TENM3: variants seen among roughly 807,000 people sequenced by gnomAD.
TENM3 encodes the protein teneurin-3.
TENM3 carries 63 observed loss-of-function variants against 255.1 expected under a neutral mutation model. That is an observed-to-expected ratio of 0.25 (90% CI 0.20 to 0.30). The LOEUF is 0.30. Ranked by LOEUF, TENM3 falls within the 10% of genes least tolerant of loss-of-function variation. The pLI is 1.00. For synonymous variants in TENM3, 1,306 were observed against 1,322.3 expected, an observed-to-expected ratio of 0.99 and a Z score of 0.27; for missense variants, 2,929 against 3,461.1, an observed-to-expected ratio of 0.85 and a Z score of 3.86.
At chr4:181,614,524 A>T in the TENM3 span, among the ~76,000 whole-genome samples, 2 of 152,168 alleles carry the variant, frequency 1.3e-5, no homozygotes. Flanking sequence ...TGATGCTGAG[A>T]TATTACCATG....
the TENM3 span, among the ~76,000 whole-genome samples, chr4:182,073,072 A>G: frequency 6.6e-6 from 1 of 152,200 alleles, no homozygotes; most frequent in African/African-American, 2.4e-5. Flanking sequence ...GGTAATTTAT[A>G]TAAAGAAAAG....
At chr4:182,179,880 A>C (rs558922585) in intron 1 of TENM3, among the ~76,000 whole-genome samples, 1 of 152,336 alleles carries the variant, frequency 6.6e-6, no homozygotes, top group South Asian at 2.1e-4. Flanking sequence ...TATGTGGCTT[A>C]GTCAGAAAAC....
the TENM3 span, among the ~76,000 whole-genome samples, chr4:181,698,083 A>G: frequency 2.2e-4 from 34 of 151,760 alleles, no homozygotes; most frequent in African/African-American, 6.1e-4. Flanking sequence ...GTGTGGTGGC[A>G]GGCGCTTGTA....
At chr4:181,691,453 A>T in the TENM3 span, among the ~76,000 whole-genome samples, 2 of 152,132 alleles carry the variant, frequency 1.3e-5, no homozygotes, top group African/African-American at 2.4e-5. Context: ...GAGGATGTAG[A>T]AAGTGAATGA....
chr4:182,727,410 C>G (rs984334633), intron 13 of TENM3, among the ~76,000 whole-genome samples: 3 of 141,906 alleles, frequency 2.1e-5, no homozygotes, highest in African/African-American at 7.9e-5. Context: ...GAGCTGAGAT[C>G]GTGCCACTGC....
At chr4:182,280,706 G>A (rs1760324467) in intron 1 of TENM3, among the ~76,000 whole-genome samples, 2 of 152,156 alleles carry the variant, frequency 1.3e-5, no homozygotes, top group Admixed American at 1.3e-4. Flanking sequence ...GATTACATCT[G>A]TGCCACAAAC....
intron 3 of TENM3, among the ~76,000 whole-genome samples, chr4:182,473,780 G>A (rs1279339917): frequency 6.6e-6 from 1 of 152,050 alleles, no homozygotes; most frequent in Non-Finnish European, 1.5e-5. Flanking sequence ...GGCAACATAT[G>A]AGACCCTGTC....
the TENM3 span, among the ~76,000 whole-genome samples, chr4:181,548,387 A>G: frequency 1.3e-5 from 2 of 152,282 alleles, no homozygotes; most frequent in East Asian, 3.9e-4. Flanking sequence ...CACTATTCAC[A>G]ATGGCAAAGA....
chr4:182,543,441 T>C (rs1314360400), intron 3 of TENM3, among the ~76,000 whole-genome samples: 1 of 152,212 alleles, frequency 6.6e-6, no homozygotes, highest in Non-Finnish European at 1.5e-5. Flanking sequence ...AGTTTAGCTG[T>C]ATTACCAGTT....
chr4:182,109,360 T>C, the TENM3 span, among the ~76,000 whole-genome samples: 3 of 150,750 alleles, frequency 2.0e-5, no homozygotes, highest in African/African-American at 7.3e-5. Flanking sequence ...CAACATATAG[T>C]GATTATATTA....
At chr4:182,028,121 C>A in the TENM3 span, among the ~76,000 whole-genome samples, 8,679 of 152,142 alleles carry the variant, frequency 0.057, 287 homozygotes, top group Non-Finnish European at 0.065. Flanking sequence ...TACAGGAAGA[C>A]TTTTTATCAC....
the TENM3 span, among the ~76,000 whole-genome samples, chr4:181,994,507 C>A: frequency 6.9e-6 from 1 of 143,986 alleles, no homozygotes; most frequent in Admixed American, 6.8e-5. Context: ...GTTTTGTTTT[C>A]TTTTACTTTG....
At chr4:181,953,424 C>T in the TENM3 span, among the ~76,000 whole-genome samples, 1 of 152,140 alleles carries the variant, frequency 6.6e-6, no homozygotes, top group Admixed American at 6.5e-5. Context: ...CACACAAACA[C>T]ACACACATCA....
the TENM3 span, among the ~76,000 whole-genome samples, chr4:182,102,757 G>A: frequency 2.0e-4 from 31 of 152,258 alleles, no homozygotes; most frequent in Admixed American, 2.0e-4. Flanking sequence ...ACCTTGGCCC[G>A]TTTCCTAGCC....
At chr4:182,319,152 G>T (rs993954806) in intron 1 of TENM3, among the ~76,000 whole-genome samples, 1 of 152,046 alleles carries the variant, frequency 6.6e-6, no homozygotes, top group East Asian at 1.9e-4. Flanking sequence ...CAAAGGCTTT[G>T]CCCACTGATG....
chr4:181,883,568 A>G, the TENM3 span, among the ~76,000 whole-genome samples: 48,466 of 151,874 alleles, frequency 0.32, 8,257 homozygotes, highest in Middle Eastern at 0.43. Flanking sequence ...TCCGCCTCCC[A>G]GGTTCACGCC....
At chr4:182,538,869 G>C (rs557036735) in intron 3 of TENM3, among the ~76,000 whole-genome samples, 2 of 152,164 alleles carry the variant, frequency 1.3e-5, no homozygotes, top group East Asian at 3.9e-4. Flanking sequence ...TGCTAAAATA[G>C]AACAAGGTTT....
At chr4:182,350,265 C>G (rs1183037412) in intron 3 of TENM3, 1 of 152,358 alleles carries the variant, frequency 6.6e-6, no homozygotes, top group Non-Finnish European at 1.5e-5. Flanking sequence ...CCGTGTCACA[C>G]AGCTCTCTGT....
the TENM3 span, among the ~76,000 whole-genome samples, chr4:181,887,787 G>C: frequency 6.6e-6 from 1 of 152,140 alleles, no homozygotes; most frequent in South Asian, 2.1e-4. Flanking sequence ...GAACAACCTA[G>C]AATAGCCTTT....
Sources: allele counts gnomAD v4.1 joint callset (sites outside exome capture counted in the v4.1 genomes callset), GRCh38; gene constraint gnomAD v4.1.1; transcripts MANE v1.5; gene names NCBI Gene and HGNC (gene_info 2026-07-23, HGNC 2026-07-21).